PCTP: variants seen among roughly 807,000 people sequenced by gnomAD.
PCTP encodes phosphatidylcholine transfer protein, also known as START domain-containing protein 2.
A neutral mutation model predicts 31.0 loss-of-function variants in PCTP; 27 were observed. The ratio of observed to expected loss-of-function variants is 0.87; its 90% CI spans 0.64 to 1.20. The LOEUF (loss-of-function observed/expected upper bound fraction) is 1.20, where lower values mean the gene tolerates loss of function less well. PCTP is among the 50% of genes most tolerant of loss of function. The probability of loss-of-function intolerance (pLI) is 0.00; values close to 1 mark genes in which losing one functional copy is unlikely to be tolerated. For synonymous variants in PCTP, 108 were observed against 101.2 expected (o/e 1.07, Z -0.40); for missense variants, 287 against 268.2 (o/e 1.07, Z -0.49).
intron 3 of PCTP, among the ~76,000 whole-genome samples, chr17:55,817,670 A>G (rs1176332846): frequency 2.0e-5 from 3 of 152,202 alleles, no homozygotes; most frequent in Non-Finnish European, 4.4e-5. Context: ...GTGGAAAAGT[A>G]GCTTTATTGT....
At chr17:55,775,499 G>C (rs887482588) in intron 5 of PCTP, 1 of 1,198,464 alleles carries the variant, frequency 8.3e-7, no homozygotes, top group Non-Finnish European at 1.0e-6. Context: ...GCTACTGACT[G>C]TCTTGTTTTA....
Position 55,774,862 on chromosome 17 carries a change from G to A in PCTP, c.579+3G>A, listed in dbSNP as rs138099526. 0.01 allele frequency: 8,974 copies of A among 889,330 alleles called. 41 individuals carry two copies. The highest frequency in any genetic ancestry group is 0.019 in the African/African-American group (1,083 of 56,742). The allele number at this position is 889,330 out of a possible 1,614,324, so 55.1% of individuals were successfully genotyped here. Reference sequence around the variant, plus strand: ...GGCTCATTAACTGGGCCGCCAAGGTGAGATCCCAGGAGGTGGGGCGGGGGG... The same window carrying A: ...GGCTCATTAACTGGGCCGCCAAGGTAAGATCCCAGGAGGTGGGGCGGGGGG... On this transcript the variant is annotated splice_donor_region_variant and intron_variant, in intron 5 of 5. Coordinates refer to ENST00000268896, the MANE Select transcript of PCTP (RefSeq NM_021213.4).
chr17:55,808,446 G>T (rs1203771862), intron 3 of PCTP, among the ~76,000 whole-genome samples: 1 of 152,222 alleles, frequency 6.6e-6, no homozygotes, highest in African/African-American at 2.4e-5. Flanking sequence ...TTGCTGCAAA[G>T]ATCCAATAAC....
intron 5 of PCTP, among the ~76,000 whole-genome samples, chr17:55,839,152 AGT>A: frequency 1.3e-5 from 2 of 152,332 alleles, no homozygotes; most frequent in Middle Eastern, 3.4e-3. Context: ...GAGTAGCAGC[AGT>A]GACTTAACAG....
intron 3 of PCTP, among the ~76,000 whole-genome samples, chr17:55,788,500 T>C (rs1415849465): frequency 2.0e-5 from 3 of 152,208 alleles, no homozygotes; most frequent in Non-Finnish European, 2.9e-5. Flanking sequence ...ATGAACCAAG[T>C]TGGGCATTGG....
In PCTP at chr17:55,771,086, C is replaced by G. The variant is rs1219216540; in HGVS notation, c.260-20C>G. 2 of 1,599,312 alleles carry G rather than the reference C, an allele frequency of 1.3e-6. No homozygotes were observed. On this transcript the variant is annotated intron_variant, in intron 2 of 5. Coordinates refer to ENST00000268896, the MANE Select transcript of PCTP (RefSeq NM_021213.4). ...CTAAAAAGGCTTCCAGATGCATTAA[C>G]TTCTTTTGCTTTCCTTTAGAACTCT...
downstream of PCTP, among the ~76,000 whole-genome samples, chr17:55,779,807 A>G (rs1228556904): frequency 1.3e-5 from 2 of 152,208 alleles, no homozygotes; most frequent in African/African-American, 4.8e-5. Context: ...AGAGTAGCCC[A>G]TACTTAAATC....
At chr17:55,753,723 A>T (rs1160411485) in intron 1 of PCTP, among the ~76,000 whole-genome samples, 1 of 152,166 alleles carries the variant, frequency 6.6e-6, no homozygotes, top group Non-Finnish European at 1.5e-5. Flanking sequence ...CTTCTCCTCT[A>T]GCGAGCCCAG....
intron 2 of PCTP, 43 bp downstream of exon 2, chr17:55,767,495 A>C: frequency 7.4e-7 from 1 of 1,349,320 alleles, no homozygotes; most frequent in Non-Finnish European, 1.1e-6. Context: ...ACGTACTTTC[A>C]CTTTTGTAGC....
intron 5 of PCTP, among the ~76,000 whole-genome samples, chr17:55,841,987 G>GA (rs1420672590): frequency 5.9e-5 from 9 of 151,906 alleles, no homozygotes. Context: ...TGTGTATATA[G>GA]AAAAAATATA....
chr17:55,790,975 G>A (rs1204191433), intron 3 of PCTP, among the ~76,000 whole-genome samples: 1 of 151,746 alleles, frequency 6.6e-6, no homozygotes, highest in Non-Finnish European at 1.5e-5. Flanking sequence ...CAACGGAACA[G>A]AACAGAGCCC....
chr17:55,851,602 G>T, the PCTP span, among the ~76,000 whole-genome samples: 1 of 152,172 alleles, frequency 6.6e-6, no homozygotes, highest in Non-Finnish European at 1.5e-5. Flanking sequence ...CCTTCTCAAA[G>T]AGTGACAGAA....
At chr17:55,759,176 A>C (rs1910207679) in intron 1 of PCTP, among the ~76,000 whole-genome samples, 1 of 152,218 alleles carries the variant, frequency 6.6e-6, no homozygotes, top group African/African-American at 2.4e-5. Context: ...TTTGCAGAAC[A>C]TCTTTAAGCC....
intron 3 of PCTP, among the ~76,000 whole-genome samples, chr17:55,790,009 C>T (rs983988573): frequency 1.3e-5 from 2 of 152,152 alleles, no homozygotes; most frequent in African/African-American, 4.8e-5. Context: ...ATATGAAAAT[C>T]AATAAATGTA....
downstream of PCTP, among the ~76,000 whole-genome samples, chr17:55,827,732 A>G (rs564315140): frequency 7.9e-5 from 12 of 152,316 alleles, no homozygotes; most frequent in South Asian, 2.5e-3. Flanking sequence ...AACTTACTCC[A>G]TTCTGCCTCT....
At chr17:55,849,693 G>A in the PCTP span, among the ~76,000 whole-genome samples, 1 of 152,056 alleles carries the variant, frequency 6.6e-6, no homozygotes, top group Admixed American at 6.6e-5. Flanking sequence ...ATAATAAAAG[G>A]AAAGGAAAGA....
chr17:55,772,633 G>A (rs1338243640), intron 3 of PCTP, among the ~76,000 whole-genome samples: 1 of 151,420 alleles, frequency 6.6e-6, no homozygotes, highest in Non-Finnish European at 1.5e-5. Flanking sequence ...CGGCTGCCAT[G>A]TTATAGTAAG....
At chr17:55,779,473 A>G (rs1046898398), downstream of PCTP, among the ~76,000 whole-genome samples, 4 of 152,144 alleles carry the variant, frequency 2.6e-5, no homozygotes, top group Non-Finnish European at 5.9e-5. Flanking sequence ...AGTCAGTCAC[A>G]TGTGAAGAAT....
At chr17:55,817,858 C>A (rs1176850298) in intron 3 of PCTP, among the ~76,000 whole-genome samples, 1 of 152,156 alleles carries the variant, frequency 6.6e-6, no homozygotes, top group Non-Finnish European at 1.5e-5. Flanking sequence ...ATTAGTTATT[C>A]AAGAAACCAT....
Sources: allele counts gnomAD v4.1 joint callset (sites outside exome capture counted in the v4.1 genomes callset), GRCh38; gene constraint gnomAD v4.1.1; transcripts MANE v1.5; gene names NCBI Gene and HGNC (gene_info 2026-07-23, HGNC 2026-07-21).